Variants in SMAD9 observed in about 807,000 individuals in gnomAD.
SMAD9 encodes the protein SMAD family member 9.
A neutral mutation model predicts 46.1 loss-of-function variants in SMAD9; 36 were observed. The ratio of observed to expected loss-of-function variants is 0.78; its 90% CI spans 0.60 to 1.03. The LOEUF (loss-of-function observed/expected upper bound fraction) is 1.03. SMAD9 is among the 50% of genes least tolerant of loss of function. SMAD9 has a pLI of 0.00. For missense variants in SMAD9, 572 were observed against 599.8 expected, an observed-to-expected ratio of 0.95 and a Z score of 0.48; for synonymous variants, 245 against 237.1, an observed-to-expected ratio of 1.03 and a Z score of -0.31.
chr13:36,900,141 A>G (rs1267960494), intron 1 of SMAD9, among the ~76,000 whole-genome samples: 1 of 152,040 alleles, frequency 6.6e-6, no homozygotes, highest in Admixed American at 6.6e-5. Flanking sequence ...CTTTCCCTCA[A>G]ACATACCAAG....
At chr13:36,866,677 C>T (rs1593569378) in intron 4 of SMAD9, among the ~76,000 whole-genome samples, 1 of 152,128 alleles carries the variant, frequency 6.6e-6, no homozygotes, top group Non-Finnish European at 1.5e-5. Flanking sequence ...TGGTACACTT[C>T]TTTAGAACCT....
chr13:36,893,942 C>G (rs1321166471), intron 1 of SMAD9, among the ~76,000 whole-genome samples: 1 of 151,882 alleles, frequency 6.6e-6, no homozygotes, highest in African/African-American at 2.4e-5. Flanking sequence ...TTGAATGTAT[C>G]AAATATTACA....
chr13:36,893,255 A>AT (rs1320831358), intron 1 of SMAD9, among the ~76,000 whole-genome samples: 3 of 151,900 alleles, frequency 2.0e-5, no homozygotes, highest in Admixed American at 1.3e-4. Flanking sequence ...TTTATCAGTC[A>AT]TTGTTGATAG....
At position 36,867,317 on chromosome 13, in the gene SMAD9, T is replaced by C; in HGVS notation, c.737A>G (p.Asp246Gly). ...ASETQSGQPV[D>G]ATADRHVVLS... is the part of the protein sequence containing the mutation. ...CACTACATGTCTATCAGCTGTGGCATCTACAGGTTGGCCACTCTGGGTCTC... is the reference window on the plus strand; with the variant it reads ...CACTACATGTCTATCAGCTGTGGCACCTACAGGTTGGCCACTCTGGGTCTC... Residue 246 changes from aspartate (D) to glycine (G), a missense_variant, in exon 4 of 7, where the codon GAT becomes GGT. Transcript: ENST00000379826. The C allele has an allele frequency of 3.9e-6, 6 of 1,551,450 alleles. No individual in the cohort carries two copies. The highest frequency in any genetic ancestry group is 5.2e-6 in the Non-Finnish European group (6 of 1,146,782).
intron 1 of SMAD9, among the ~76,000 whole-genome samples, chr13:36,919,484 A>C (rs1315078504): frequency 6.6e-6 from 1 of 152,196 alleles, no homozygotes; most frequent in Non-Finnish European, 1.5e-5. Flanking sequence ...GCATGCCTCA[A>C]AGGTAAACAA....
chr13:36,873,852 A>G (rs1187065626), intron 2 of SMAD9, among the ~76,000 whole-genome samples: 1 of 152,192 alleles, frequency 6.6e-6, no homozygotes, highest in East Asian at 1.9e-4. Context: ...GACAAGAGTG[A>G]AACTCTGTCT....
At chr13:36,861,793 G>A (rs1277929757) in intron 5 of SMAD9, among the ~76,000 whole-genome samples, 1 of 151,698 alleles carries the variant, frequency 6.6e-6, no homozygotes, top group Non-Finnish European at 1.5e-5. Context: ...GCTGGGTGTG[G>A]TGGTGTGCGC....
chr13:36,920,378 G>C (rs573458175), upstream of SMAD9: 1 of 150,698 alleles, frequency 6.6e-6, no homozygotes, highest in Non-Finnish European at 1.5e-5. Context: ...GCGCGGGCCC[G>C]GCGGGGGGCG....
intron 5 of SMAD9, among the ~76,000 whole-genome samples, chr13:36,855,243 G>C (rs574417919): frequency 1.0e-3 from 124 of 120,148 alleles, no homozygotes; most frequent in South Asian, 1.9e-3. Context: ...CTGAGTGAGA[G>C]TCCATCTCAA....
At chr13:36,908,896 G>C (rs2058638865) in intron 1 of SMAD9, among the ~76,000 whole-genome samples, 1 of 152,138 alleles carries the variant, frequency 6.6e-6, no homozygotes, top group African/African-American at 2.4e-5. Context: ...AGGGATATAT[G>C]TGGCCCAAAT....
intron 1 of SMAD9, among the ~76,000 whole-genome samples, chr13:36,918,256 C>T (rs895693306): frequency 6.6e-6 from 1 of 152,186 alleles, no homozygotes; most frequent in Non-Finnish European, 1.5e-5. Flanking sequence ...AGAGGTTTAA[C>T]CCAAAATTTG....
chr13:36,893,820 G>A (rs2058507643), intron 1 of SMAD9, among the ~76,000 whole-genome samples: 1 of 152,058 alleles, frequency 6.6e-6, no homozygotes, highest in South Asian at 2.1e-4. Flanking sequence ...GCAGAAGGCA[G>A]GGGAGTAGCC....
At chr13:36,901,356 G>C (rs1254421338) in intron 1 of SMAD9, among the ~76,000 whole-genome samples, 1 of 150,114 alleles carries the variant, frequency 6.7e-6, no homozygotes, top group Non-Finnish European at 1.5e-5. Flanking sequence ...CACTGTTTCT[G>C]TTTTTATTAT....
At chr13:36,883,318 TTAC>T (rs1388792473) in intron 1 of SMAD9, among the ~76,000 whole-genome samples, 4 of 152,160 alleles carry the variant, frequency 2.6e-5, no homozygotes, top group Admixed American at 2.6e-4. Flanking sequence ...TTTCTCTCAG[TTAC>T]TACATTTCCA....
intron 1 of SMAD9, 122 bp from the exon 2 acceptor site, chr13:36,879,997 G>A (rs973136658): frequency 2.5e-6 from 1 of 406,582 alleles, no homozygotes; most frequent in Non-Finnish European, 4.6e-6. Context: ...TGAATGGCTC[G>A]AGCCCAGGAG....
At chr13:36,868,333 G>C (rs1361051756) in intron 3 of SMAD9, among the ~76,000 whole-genome samples, 1 of 152,228 alleles carries the variant, frequency 6.6e-6, no homozygotes, top group Non-Finnish European at 1.5e-5. Context: ...GAAACCATGG[G>C]TAAGGTATTT....
At chr13:36,889,615 T>C (rs766626604) in intron 1 of SMAD9, among the ~76,000 whole-genome samples, 1 of 152,214 alleles carries the variant, frequency 6.6e-6, no homozygotes, top group Non-Finnish European at 1.5e-5. Context: ...ATACACAAAA[T>C]TATATCATTA....
chr13:36,881,974 C>A (rs547779423), intron 1 of SMAD9, among the ~76,000 whole-genome samples: 21 of 152,294 alleles, frequency 1.4e-4, no homozygotes, highest in African/African-American at 5.1e-4. Context: ...TAAAAACACT[C>A]AGCGAGTTAA....
rs1412634681 is a variant in SMAD9, at chr13:36,847,947, T to C, written c.*729A>G. 6.6e-6 allele frequency: 1 copy of C among 152,284 alleles called. No homozygotes were observed. The highest frequency in any genetic ancestry group is 1.5e-5 in the Non-Finnish European group (1 of 68,084). The allele number at this position is 152,284 out of a possible 1,614,324, so 9.4% of individuals were successfully genotyped here. On this transcript the variant is annotated 3_prime_UTR_variant, in exon 7 of 7. Coordinates refer to ENST00000379826, the MANE Select transcript of SMAD9 (RefSeq NM_001127217.3). ...GCTCTTGGACCAAGTTCTGGTCTTA[T>C]CTTGCAATCTGGGAAACAGCATTTC... is the stretch of plus-strand genomic sequence containing the variant.
Sources: gnomAD v4.1 joint callset for allele counts (sites outside exome capture counted in the v4.1 genomes callset) on GRCh38, gnomAD v4.1.1 for gene constraint, MANE v1.5 for transcripts, NCBI Gene and HGNC (gene_info 2026-07-23, HGNC 2026-07-21) for gene names.